Variants in ENTREP2 observed in about 807,000 individuals in gnomAD.
The protein encoded by ENTREP2 is endosomal transmembrane epsin interactor 2, also known as protein ENTREP2.
chr15:29,383,480 T>TG, the ENTREP2 span, among the ~76,000 whole-genome samples: 1 of 152,130 alleles, frequency 6.6e-6, no homozygotes, highest in Non-Finnish European at 1.5e-5. Context: ...AAAAGGAAGG[T>TG]GTTTGCAGAC....
the ENTREP2 span, chr15:29,374,156 A>G: frequency 1.3e-5 from 2 of 152,176 alleles, no homozygotes; most frequent in African/African-American, 4.8e-5. Flanking sequence ...TCACACATCA[A>G]TGTAACACAG....
the ENTREP2 span, among the ~76,000 whole-genome samples, chr15:29,240,154 G>C: frequency 1.3e-5 from 2 of 152,108 alleles, no homozygotes; most frequent in African/African-American, 4.8e-5. Context: ...CCTGAGGTCG[G>C]GAGTTCGAGA....
the ENTREP2 span, among the ~76,000 whole-genome samples, chr15:29,577,092 C>A: frequency 6.6e-6 from 1 of 151,474 alleles, no homozygotes; most frequent in Non-Finnish European, 1.5e-5. Context: ...CAGGTGTGAG[C>A]CACCAGACCT....
the ENTREP2 span, among the ~76,000 whole-genome samples, chr15:29,365,779 A>C: frequency 2.0e-5 from 3 of 151,904 alleles, no homozygotes; most frequent in Admixed American, 2.0e-4. Flanking sequence ...TGCTTCTGAC[A>C]TTTCTGCAAC....
At chr15:29,423,562 C>T in the ENTREP2 span, among the ~76,000 whole-genome samples, 3 of 150,938 alleles carry the variant, frequency 2.0e-5, no homozygotes, top group East Asian at 3.9e-4. Flanking sequence ...CCAAGGCGGG[C>T]GGATCACGCG....
the ENTREP2 span, among the ~76,000 whole-genome samples, chr15:29,454,425 T>C: frequency 1.3e-5 from 2 of 152,222 alleles, no homozygotes; most frequent in African/African-American, 4.8e-5. Flanking sequence ...GTCAATTGTA[T>C]CAATCTTTCC....
At chr15:29,423,405 G>T in the ENTREP2 span, among the ~76,000 whole-genome samples, 1 of 152,072 alleles carries the variant, frequency 6.6e-6, no homozygotes, top group Non-Finnish European at 1.5e-5. Flanking sequence ...AAATTCTAGA[G>T]AAGAATGTAA....
the ENTREP2 span, among the ~76,000 whole-genome samples, chr15:29,195,805 G>A: frequency 6.6e-6 from 1 of 152,192 alleles, no homozygotes; most frequent in Non-Finnish European, 1.5e-5. Context: ...GATTACAGGC[G>A]TGAGCCACTG....
At chr15:29,177,912 A>G in the ENTREP2 span, among the ~76,000 whole-genome samples, 1 of 151,940 alleles carries the variant, frequency 6.6e-6, no homozygotes, top group African/African-American at 2.4e-5. Context: ...GGCGGGAGGG[A>G]TACAGGGAGA....
chr15:29,411,989 C>T, the ENTREP2 span, among the ~76,000 whole-genome samples: 20 of 152,186 alleles, frequency 1.3e-4, no homozygotes, highest in Non-Finnish European at 1.5e-5. Flanking sequence ...AAAAATGAGT[C>T]TTATACGTGG....
At chr15:29,583,480 C>T in the ENTREP2 span, among the ~76,000 whole-genome samples, 1 of 152,158 alleles carries the variant, frequency 6.6e-6, no homozygotes, top group South Asian at 2.1e-4. Flanking sequence ...CTTACTGGGG[C>T]ATGTCAGGGG....
At chr15:29,575,208 G>C in the ENTREP2 span, among the ~76,000 whole-genome samples, 1 of 152,042 alleles carries the variant, frequency 6.6e-6, no homozygotes. Flanking sequence ...CTTTTTGCAG[G>C]TGCCCAGAAA....
At chr15:29,363,751 T>C in the ENTREP2 span, among the ~76,000 whole-genome samples, 3 of 152,332 alleles carry the variant, frequency 2.0e-5, no homozygotes, top group South Asian at 6.2e-4. Flanking sequence ...CAGTTGTCTA[T>C]AAGTTTCCAA....
chr15:29,432,923 G>T, the ENTREP2 span, among the ~76,000 whole-genome samples: 1,593 of 152,256 alleles, frequency 0.01, 19 homozygotes, highest in Non-Finnish European at 0.016. Flanking sequence ...ACAGGCACCG[G>T]GTATAATCAC....
At chr15:29,167,155 T>C in the ENTREP2 span, among the ~76,000 whole-genome samples, 1 of 152,116 alleles carries the variant, frequency 6.6e-6, no homozygotes, top group Admixed American at 6.5e-5. Context: ...TGTCACCTTA[T>C]ACAAAAATCA....
chr15:29,309,374 C>G, the ENTREP2 span, among the ~76,000 whole-genome samples: 1 of 152,176 alleles, frequency 6.6e-6, no homozygotes, highest in Non-Finnish European at 1.5e-5. Context: ...CACTTGCTTT[C>G]CCACAGAGGC....
the ENTREP2 span, among the ~76,000 whole-genome samples, chr15:29,209,635 C>T: frequency 1.3e-5 from 2 of 152,234 alleles, no homozygotes; most frequent in South Asian, 4.2e-4. Context: ...GGAGACCTTC[C>T]AGGGATGGTG....
the ENTREP2 span, among the ~76,000 whole-genome samples, chr15:29,618,590 G>A: frequency 3.3e-5 from 5 of 152,162 alleles, no homozygotes; most frequent in Admixed American, 2.0e-4. Flanking sequence ...AACCTTTGTT[G>A]CTATGTTCTT....
the ENTREP2 span, among the ~76,000 whole-genome samples, chr15:29,200,358 T>G: frequency 6.6e-6 from 1 of 152,132 alleles, no homozygotes; most frequent in Non-Finnish European, 1.5e-5. Flanking sequence ...GTATTTTTAG[T>G]AGAGACAAGG....
Sources: gnomAD v4.1 joint callset for allele counts (sites outside exome capture counted in the v4.1 genomes callset) on GRCh38, gnomAD v4.1.1 for gene constraint, MANE v1.5 for transcripts, NCBI Gene and HGNC (gene_info 2026-07-23, HGNC 2026-07-21) for gene names.